ADAM23: variants seen among roughly 807,000 people sequenced by gnomAD.
The protein encoded by ADAM23 is ADAM metallopeptidase domain 23.
In ADAM23, 33 loss-of-function variants were observed where a neutral mutation model predicts 120.1. The ratio of observed to expected loss-of-function variants is 0.27; its 90% CI spans 0.21 to 0.37. The LOEUF (loss-of-function observed/expected upper bound fraction) is 0.37, where lower values mean the gene tolerates loss of function less well. ADAM23 is among the 10% of genes least tolerant of loss of function. The pLI is 1.00. For synonymous variants in ADAM23, 367 were observed against 375.2 expected, an observed-to-expected ratio of 0.98 and a Z score of 0.25; for missense variants, 862 against 1,058.2, an observed-to-expected ratio of 0.81 and a Z score of 2.57.
At chr2:206,525,736 C>T (rs560795285) in intron 3 of ADAM23, among the ~76,000 whole-genome samples, 19 of 152,080 alleles carry the variant, frequency 1.2e-4, no homozygotes, top group Admixed American at 2.0e-4. Context: ...GGATTACAGA[C>T]GCTCACCACC....
chr2:206,446,778 G>C (rs951922436), intron 2 of ADAM23, among the ~76,000 whole-genome samples: 1 of 152,020 alleles, frequency 6.6e-6, no homozygotes, highest in African/African-American at 2.4e-5. Context: ...TCTGTTCTCA[G>C]CCAGCCCTTT....
intron 20 of ADAM23, among the ~76,000 whole-genome samples, chr2:206,589,059 C>T (rs901854301): frequency 4.6e-5 from 7 of 152,206 alleles, no homozygotes; most frequent in Non-Finnish European, 8.8e-5. Flanking sequence ...AGTCACTTCA[C>T]CAATTCCTGC....
chr2:206,563,467 T>G (rs1697811963), intron 13 of ADAM23, among the ~76,000 whole-genome samples: 1 of 152,250 alleles, frequency 6.6e-6, no homozygotes, highest in Admixed American at 6.5e-5. Context: ...TTCCATTGAT[T>G]ATCTTGCTCA....
intron 14 of ADAM23, 97 bp downstream of exon 14, chr2:206,565,165 T>C: frequency 2.0e-6 from 2 of 995,266 alleles, no homozygotes; most frequent in Admixed American, 1.9e-5. Context: ...TCTTTTAGGC[T>C]AAGCACAATA....
At chr2:206,490,958 A>G (rs1480185523) in intron 3 of ADAM23, among the ~76,000 whole-genome samples, 2 of 152,180 alleles carry the variant, frequency 1.3e-5, no homozygotes. Flanking sequence ...TTCTGGTTCT[A>G]TTTACTTAGG....
At chr2:206,507,255 T>G (rs1248549033) in intron 3 of ADAM23, among the ~76,000 whole-genome samples, 1 of 152,132 alleles carries the variant, frequency 6.6e-6, no homozygotes, top group Non-Finnish European at 1.5e-5. Flanking sequence ...CGAATTGTAA[T>G]CCCCAGTGGT....
chr2:206,609,844 C>A, intron 24 of ADAM23, 66 bp from the exon 25 acceptor site: 1 of 1,345,450 alleles, frequency 7.4e-7, no homozygotes, highest in Non-Finnish European at 1.0e-6. Context: ...TGCTTAACTG[C>A]CTTTCCCTTG....
chr2:206,547,348 A>T (rs1697418972), intron 6 of ADAM23, 81 bp from the exon 7 acceptor site: 2 of 1,131,104 alleles, frequency 1.8e-6, no homozygotes, highest in South Asian at 3.1e-5. Context: ...TAGGAAGGAC[A>T]TTAGAGAAAG....
Position 206,443,900 on chromosome 2 carries a change from C to T in ADAM23, c.34C>T (p.Pro12Ser). ...GCCCGGCAGCAGCTCGCGGCAGCCG[C>T]CCCTGGCGGGCTGCAGCCTTGCCGG... ...KPPGSSSRQP[P>S]LAGCSLAGAS... Residue 12 changes from proline (P) to serine (S), a missense_variant, in exon 1 of 26, where the codon CCC becomes TCC. Pro to Ser is a moderately conservative substitution (Grantham distance 74, BLOSUM62 -1). Around this residue, in one of 4 missense-constraint regions of ADAM23, gnomAD observed 225 missense variants for 204.0 expected, o/e 1.10. Transcript: ENST00000264377. 2 of 1,187,586 alleles carry T rather than the reference C, an allele frequency of 1.7e-6. No individual in the cohort carries two copies. Among genetic ancestry groups the T allele is most frequent in the South Asian group, 3.9e-5 (1 of 25,794 alleles). 73.6% of individuals were successfully genotyped at this position (1,187,586 alleles called of 1,614,324 possible).
chr2:206,579,851 A>T (rs918123377), intron 18 of ADAM23, among the ~76,000 whole-genome samples: 1 of 152,032 alleles, frequency 6.6e-6, no homozygotes, highest in Admixed American at 6.6e-5. Flanking sequence ...GATTCTACCC[A>T]TCTGTGAGCA....
chr2:206,552,517 A>T (rs573647143), intron 9 of ADAM23, among the ~76,000 whole-genome samples: 1 of 152,288 alleles, frequency 6.6e-6, no homozygotes, highest in East Asian at 1.9e-4. Flanking sequence ...ATAAAATAGC[A>T]TACTTCTTAA....
At position 206,543,246 on chromosome 2, in the gene ADAM23, G is replaced by C. The variant is rs905712752; in HGVS notation, c.657-7G>C. ...TTCCCTCCTTTGTGTGGTTTCTTTTGTGCTAGTGGCATGTTTGAAGATGAT... is the reference window on the plus strand; with the variant it reads ...TTCCCTCCTTTGTGTGGTTTCTTTTCTGCTAGTGGCATGTTTGAAGATGAT... On this transcript the variant is annotated splice_polypyrimidine_tract_variant and splice_region_variant and intron_variant, in intron 5 of 25. Transcript: ENST00000264377. 2 of 1,613,548 alleles carry C rather than the reference G, an allele frequency of 1.2e-6. No individual in the cohort carries two copies. Among genetic ancestry groups the C allele is most frequent in the Non-Finnish European group, 1.7e-6 (2 of 1,179,742 alleles).
intron 4 of ADAM23, among the ~76,000 whole-genome samples, chr2:206,540,243 AC>A (rs1295795635): frequency 4.0e-5 from 6 of 151,364 alleles, no homozygotes; most frequent in Non-Finnish European, 8.9e-5. Context: ...ACACACACAC[AC>A]ACACACACAC....
chr2:206,588,016 A>G (rs1402470032), intron 19 of ADAM23, 75 bp from the exon 20 acceptor site: 10 of 1,487,016 alleles, frequency 6.7e-6, no homozygotes, highest in Non-Finnish European at 9.4e-6. Context: ...GTGAACCAGA[A>G]GGAGACATTG....
intron 24 of ADAM23, among the ~76,000 whole-genome samples, chr2:206,602,369 T>G (rs1411333588): frequency 6.6e-6 from 1 of 152,220 alleles, no homozygotes; most frequent in Admixed American, 6.5e-5. Context: ...CTTGTTTTTT[T>G]CTTTTATGGA....
intron 2 of ADAM23, among the ~76,000 whole-genome samples, chr2:206,459,930 C>G (rs1427180417): frequency 6.6e-6 from 1 of 152,234 alleles, no homozygotes; most frequent in Non-Finnish European, 1.5e-5. Context: ...AACCCACTAT[C>G]TCTCACATGC....
At chr2:206,509,282 T>C (rs1047517074) in intron 3 of ADAM23, among the ~76,000 whole-genome samples, 5 of 152,186 alleles carry the variant, frequency 3.3e-5, no homozygotes, top group South Asian at 4.1e-4. Flanking sequence ...ATTAATATTG[T>C]TAAACTTAAT....
At chr2:206,458,723 T>A (rs1453227212) in intron 2 of ADAM23, among the ~76,000 whole-genome samples, 1 of 152,182 alleles carries the variant, frequency 6.6e-6, no homozygotes, top group Non-Finnish European at 1.5e-5. Context: ...TAGCACACGT[T>A]CAGATGATAA....
chr2:206,553,113 C>T (rs977842552), intron 9 of ADAM23, among the ~76,000 whole-genome samples: 2 of 152,250 alleles, frequency 1.3e-5, no homozygotes, highest in Non-Finnish European at 2.9e-5. Context: ...TGTGGTGGCT[C>T]ACGCCTATAA....
Sources: allele counts gnomAD v4.1 joint callset (sites outside exome capture counted in the v4.1 genomes callset), GRCh38; gene constraint gnomAD v4.1.1; regional missense constraint gnomAD v4.1.1; transcripts MANE v1.5; gene names NCBI Gene and HGNC (gene_info 2026-07-23, HGNC 2026-07-21).